The following GLB1 variants were observed in gnomAD, a reference collection of about 807,000 sequenced individuals.
The protein encoded by GLB1 is galactosidase beta 1.
A neutral mutation model predicts 74.0 loss-of-function variants in GLB1; 56 were observed. The ratio of observed to expected loss-of-function variants is 0.76; its 90% CI spans 0.61 to 0.94. The LOEUF (loss-of-function observed/expected upper bound fraction) is 0.94, where lower values mean the gene tolerates loss of function less well. Ranked by LOEUF, GLB1 falls within the 40% of genes least tolerant of loss-of-function variation. The pLI is 0.00. For missense variants in GLB1, 787 were observed against 845.5 expected (o/e 0.93, Z 0.86); for synonymous variants, 323 against 323.6 (o/e 1.00, Z 0.02).
chr3:32,984,228 G>T, the GLB1 span, among the ~76,000 whole-genome samples: 26 of 151,958 alleles, frequency 1.7e-4, no homozygotes, highest in Non-Finnish European at 3.5e-4. Context: ...TTCCTGCCTT[G>T]CTCAGCATCA....
intron 15 of GLB1, among the ~76,000 whole-genome samples, chr3:33,005,708 C>A (rs1311165245): frequency 1.3e-5 from 2 of 152,124 alleles, no homozygotes; most frequent in Admixed American, 1.3e-4. Flanking sequence ...GTTGCCTAGG[C>A]TGGTCTCAAA....
At chr3:32,995,711 G>T (rs1696295617), downstream of GLB1, among the ~76,000 whole-genome samples, 1 of 151,800 alleles carries the variant, frequency 6.6e-6, no homozygotes, top group African/African-American at 2.4e-5. Flanking sequence ...CGGGTGCAGT[G>T]GTTCATAACT....
intron 15 of GLB1, among the ~76,000 whole-genome samples, chr3:33,010,668 C>T (rs1696983241): frequency 6.6e-6 from 1 of 152,026 alleles, no homozygotes. Context: ...AATTTTTGTT[C>T]TTTAAGGATA....
intron 1 of GLB1, among the ~76,000 whole-genome samples, chr3:33,074,410 ATATTACACAT>A (rs1383757827): frequency 2.0e-4 from 28 of 136,894 alleles, no homozygotes; most frequent in Middle Eastern, 3.8e-3. Flanking sequence ...GAAAGAAAGA[ATATTACACAT>A]AGTAAAGTAT....
chr3:33,033,929 T>G (rs1698163613), intron 10 of GLB1: 1 of 549,202 alleles, frequency 1.8e-6, no homozygotes, highest in African/African-American at 1.9e-5. Flanking sequence ...CCAGATGGAC[T>G]ACTATGGCAC....
chr3:33,093,241 T>C lies in GLB1; in HGVS notation c.75+3770A>G, dbSNP rs1187660848. 1.9e-6 allele frequency: 3 copies of C among 1,614,064 alleles called. No homozygotes were observed. The highest frequency in any genetic ancestry group is 1.3e-5 in the African/African-American group (1 of 75,016). ...TCCTCATCCTCACTCCCACTGCCAC[T>C]GCCACCACCACCACGTTGGGCCCGT... is the stretch of plus-strand genomic sequence containing the variant. On this transcript the variant is annotated intron_variant, in intron 1 of 15. Transcript: ENST00000307363. This position sits in a 1 kb window ranked among gnomAD's most constrained non-coding sequence, Gnocchi z 6.0.
chr3:32,999,796 G>A (rs1178063983), intron 15 of GLB1, among the ~76,000 whole-genome samples: 2 of 152,058 alleles, frequency 1.3e-5, no homozygotes, highest in African/African-American at 4.8e-5. Context: ...GAATACAGGC[G>A]TGCACCACCA....
the GLB1 span, among the ~76,000 whole-genome samples, chr3:32,970,266 T>C: frequency 6.6e-6 from 1 of 152,214 alleles, no homozygotes; most frequent in African/African-American, 2.4e-5. Context: ...TGAAGAAATT[T>C]TGTCAAGAAA....
chr3:33,046,299 C>T, intron 9 of GLB1, 67 bp from the exon 10 acceptor site: 1 of 1,579,816 alleles, frequency 6.3e-7, no homozygotes, highest in Non-Finnish European at 8.7e-7. Flanking sequence ...TCTTTGGGAT[C>T]CATGAGCTCA....
intron 1 of GLB1, chr3:33,091,087 C>T (rs975186628): frequency 1.0e-5 from 10 of 985,382 alleles, no homozygotes; most frequent in Non-Finnish European, 8.4e-6. Flanking sequence ...TCTAGCCCAC[C>T]TGGTGAAATC....
intron 5 of GLB1, among the ~76,000 whole-genome samples, chr3:33,059,598 A>G (rs1699362728): frequency 6.6e-6 from 1 of 152,200 alleles, no homozygotes; most frequent in Non-Finnish European, 1.5e-5. Context: ...ATAGGTGGTA[A>G]AAGTATAAAG....
intron 10 of GLB1, chr3:33,034,221 T>C (rs1204183151): frequency 1.5e-6 from 1 of 653,228 alleles, no homozygotes; most frequent in Non-Finnish European, 2.8e-6. Flanking sequence ...GGCCTGATCC[T>C]GGCCTGTAGG....
rs1659539265 is a variant in GLB1 at position 33,045,839 on chromosome 3, C to CCATA, written c.1068+277_1068+280dup. The CCATA allele has an allele frequency of 1.4e-5, 15 of 1,046,706 alleles. No individual in the cohort carries two copies. The South Asian group carries it at 2.3e-4, about 16-fold the overall frequency. The allele number at this position is 1,046,706 out of a possible 1,614,324, so 64.8% of individuals were successfully genotyped here. ...AGAAATTTCCCCGGGTGAATTCTCA[C>CCATA]CATATAAGAAGTGAATCTGTAAGTA... is the stretch of plus-strand genomic sequence containing the variant. On this transcript the variant is annotated intron_variant, in intron 10 of 15. Transcript: ENST00000307363.
At chr3:32,977,269 C>T in the GLB1 span, among the ~76,000 whole-genome samples, 3 of 150,662 alleles carry the variant, frequency 2.0e-5, no homozygotes, top group Non-Finnish European at 2.9e-5. Flanking sequence ...TGCAGTGGCG[C>T]AATCTCGGCT....
chr3:33,093,441 G>A lies in GLB1; in HGVS notation c.75+3570C>T. 6.2e-7 allele frequency: 1 copy of A among 1,614,112 alleles called. No individual in the cohort carries two copies. The highest frequency in any genetic ancestry group is 2.2e-5 in the East Asian group (1 of 44,880). On this transcript the variant is annotated intron_variant, in intron 1 of 15. Coordinates refer to ENST00000307363, the MANE Select transcript of GLB1 (RefSeq NM_000404.4). This position sits in a 1 kb window ranked among gnomAD's most constrained non-coding sequence, Gnocchi z 6.0. ...AGCGACAGCCGTCCGCAGGACCGAG[G>A]CTTCTGAGTCGGAGAGGTCACCCAC...
Position 33,053,552 on chromosome 3 carries a change from G to A in GLB1, c.734-3C>T. 6.2e-7 allele frequency: 1 copy of A among 1,614,172 alleles called. No homozygotes were observed. Among genetic ancestry groups the A allele is most frequent in the Non-Finnish European group, 8.5e-7 (1 of 1,180,020 alleles). ...GAAAGCATCTGTGATGTTGCTGCCT[G>A]AAAATTGTAAGAGGGAGAAGGTAGG... On this transcript the variant is annotated splice_region_variant and splice_polypyrimidine_tract_variant and intron_variant, in intron 6 of 15. Coordinates refer to ENST00000307363, the MANE Select transcript of GLB1 (RefSeq NM_000404.4).
At chr3:33,078,455 C>A (rs1241995893) in intron 1 of GLB1, among the ~76,000 whole-genome samples, 1 of 152,178 alleles carries the variant, frequency 6.6e-6, no homozygotes, top group Non-Finnish European at 1.5e-5. Flanking sequence ...TTATGTCTCT[C>A]ATGTTATGAT....
At chr3:33,096,768 G>A (rs1401274351) in intron 1 of GLB1, 62 of 1,323,256 alleles carry the variant, frequency 4.7e-5, no homozygotes, top group South Asian at 5.8e-5. Flanking sequence ...AAGCGCAAAG[G>A]GCGGCCGGAG....
chr3:33,025,325 TTAAA>T (rs1426866884), intron 10 of GLB1, among the ~76,000 whole-genome samples: 1 of 152,242 alleles, frequency 6.6e-6, no homozygotes, highest in Non-Finnish European at 1.5e-5. Flanking sequence ...TAAATCCTTA[TTAAA>T]TGTTAAATAT....
Sources: allele counts gnomAD v4.1 joint callset (sites outside exome capture counted in the v4.1 genomes callset), GRCh38; gene constraint gnomAD v4.1.1; non-coding constraint Gnocchi (gnomAD v3.1); transcripts MANE v1.5; gene names NCBI Gene and HGNC (gene_info 2026-07-23, HGNC 2026-07-21).